The following DDX27 variants were observed in gnomAD, a reference collection of about 807,000 sequenced individuals.
The protein encoded by DDX27 is DEAD-box helicase 27.
A neutral mutation model predicts 99.3 loss-of-function variants in DDX27; 42 were observed. The observed-to-expected ratio is 0.42, with a 90% CI of 0.33 to 0.55. The LOEUF (loss-of-function observed/expected upper bound fraction) is 0.55. Ranked by LOEUF, DDX27 falls within the 20% of genes least tolerant of loss-of-function variation. The probability of loss-of-function intolerance (pLI) is 0.07; values close to 1 mark genes in which losing one functional copy is unlikely to be tolerated. For synonymous variants in DDX27, 329 were observed against 353.8 expected (o/e 0.93, Z 0.79); for missense variants, 798 against 976.8 (o/e 0.82, Z 2.44).
intron 1 of DDX27, among the ~76,000 whole-genome samples, chr20:49,220,849 A>C (rs1241189643): frequency 2.0e-5 from 3 of 152,182 alleles, no homozygotes; most frequent in African/African-American, 7.2e-5. Flanking sequence ...CAAAACAAAA[A>C]AAACTCTCCA....
intron 4 of DDX27, 54 bp downstream of exon 4, chr20:49,223,487 C>T: frequency 1.3e-6 from 2 of 1,524,618 alleles, no homozygotes; most frequent in Non-Finnish European, 8.9e-7. Context: ...AGAAGGCATC[C>T]TCCTTTACTT....
At chr20:49,240,255 A>T (rs1320616872) in intron 16 of DDX27, among the ~76,000 whole-genome samples, 1 of 152,166 alleles carries the variant, frequency 6.6e-6, no homozygotes, top group East Asian at 1.9e-4. Flanking sequence ...TGTATATATA[A>T]CCACAATAAA....
chr20:49,226,389 C>G (rs373326945), intron 6 of DDX27, 41 bp from the exon 7 acceptor site: 2 of 1,534,468 alleles, frequency 1.3e-6, no homozygotes. Context: ...GCTGAGACTT[C>G]CCCCGCTCAA....
intron 1 of DDX27, among the ~76,000 whole-genome samples, chr20:49,220,679 T>C (rs1979626311): frequency 6.6e-6 from 1 of 152,192 alleles, no homozygotes; most frequent in South Asian, 2.1e-4. Flanking sequence ...CTCAGCCCGC[T>C]GCGTGGGAGG....
chr20:49,219,624 ATCATC>A, intron 1 of DDX27, 83 bp downstream of exon 1: 1 of 1,393,912 alleles, frequency 7.2e-7, no homozygotes, highest in Non-Finnish European at 9.6e-7. Flanking sequence ...CCGAATCCTC[ATCATC>A]CCCTGCCAGC....
chr20:49,242,268 G>T (rs1980505196), intron 18 of DDX27, 62 bp downstream of exon 18: 1 of 1,591,378 alleles, frequency 6.3e-7, no homozygotes, highest in Non-Finnish European at 8.6e-7. Flanking sequence ...TGTGCTTTGG[G>T]TCAGGGAGAA....
chr20:49,236,105 T>C lies in DDX27; in HGVS notation c.1428-45T>C. On this transcript the variant is annotated intron_variant, in intron 12 of 20. Coordinates refer to ENST00000618172, the MANE Select transcript of DDX27 (RefSeq NM_017895.8). This position sits in a 1 kb window ranked among gnomAD's most constrained non-coding sequence, Gnocchi z 4.1. The stretch of plus-strand genomic sequence containing the variant: ...GGCTCAGGCTCTTGTGGAGCATTAT[T>C]AGGGGAGGGTGTCTGGATGAACAGC... The C allele has an allele frequency of 6.4e-7, 1 of 1,552,710 alleles. No individual in the cohort carries two copies. The highest frequency in any genetic ancestry group is 1.2e-5 in the South Asian group (1 of 84,302).
intron 16 of DDX27, among the ~76,000 whole-genome samples, chr20:49,241,374 G>T (rs1016326780): frequency 6.6e-6 from 1 of 152,148 alleles, no homozygotes; most frequent in African/African-American, 2.4e-5. Context: ...CATAGCAGGA[G>T]GTTTGTAATG....
intron 7 of DDX27, among the ~76,000 whole-genome samples, chr20:49,226,865 T>TTTTTTA (rs1455825618): frequency 7.8e-6 from 1 of 128,054 alleles, no homozygotes; most frequent in African/African-American, 2.9e-5. Flanking sequence ...GACTTTTTTT[T>TTTTTTA]TTTTTTTTTT....
rs568053174 is a variant in DDX27 at position 49,239,123 on chromosome 20, T to C, written c.1794+68T>C. On this transcript the variant is annotated intron_variant, in intron 15 of 20. Coordinates refer to ENST00000618172, the MANE Select transcript of DDX27 (RefSeq NM_017895.8). ...AAGCAAGCTGCTGCATCCCTGCTGG[T>C]GCTGCCCTTCTGAAATGTTTCTCCC... The C allele has an allele frequency of 4.6e-6, 7 of 1,525,304 alleles. No individual in the cohort carries two copies. In the African/African-American group the frequency reaches 9.6e-5, roughly 21 times the overall value. 94.5% of individuals were successfully genotyped at this position (1,525,304 alleles called of 1,614,324 possible). A position where few individuals can be genotyped will look rare whatever the true frequency, so the allele number is the denominator to read the frequency against.
Position 49,233,836 on chromosome 20 carries a change from A to G in DDX27, c.1273+127A>G, listed in dbSNP as rs924163099. ...CAGTCTTCCCCAGCGCAGAGGCTGCACTGCACTAATGATGATCCGCTGCCT... is the reference window on the plus strand; with the variant it reads ...CAGTCTTCCCCAGCGCAGAGGCTGCGCTGCACTAATGATGATCCGCTGCCT... On this transcript the variant is annotated intron_variant, in intron 11 of 20. Transcript: ENST00000618172. 3.0e-5 allele frequency: 31 copies of G among 1,045,286 alleles called. No homozygotes were observed. The East Asian group carries it at 7.1e-4, about 24-fold the overall frequency. 64.8% of individuals were successfully genotyped at this position (1,045,286 alleles called of 1,614,324 possible). A position where few individuals can be genotyped will look rare whatever the true frequency, so the allele number is the denominator to read the frequency against.
In DDX27 at chr20:49,219,525, G is replaced by T; in HGVS notation, c.77G>T (p.Gly26Val). The T allele has an allele frequency of 6.2e-7, 1 of 1,613,794 alleles. No individual in the cohort carries two copies. Reference protein sequence around the residue: ...EVPVEPESDSGDEEEEGPIVL... With the variant: ...EVPVEPESDSVDEEEEGPIVL... ...CCGGTGGAGCCCGAGTCTGACTCCG[G>T]GGACGAGGAAGAGGAGGTATGAGCA... is the stretch of plus-strand genomic sequence containing the variant. The change falls in exon 1 of 21, where the codon GGG becomes GTG. Residue 26 changes from glycine to valine, a missense_variant. Physicochemically the swap from Gly to Val is moderately radical, Grantham distance 109. This residue lies in a region of DDX27 where 245 missense variants were observed against 248.8 expected (regional missense o/e 0.98). Transcript: ENST00000618172.
intron 4 of DDX27, among the ~76,000 whole-genome samples, chr20:49,224,238 G>A (rs1360927475): frequency 6.6e-6 from 1 of 152,012 alleles, no homozygotes; most frequent in Non-Finnish European, 1.5e-5. Context: ...TACTTCATAG[G>A]TAGTTTACTC....
At chr20:49,225,318 G>A in intron 6 of DDX27, 119 bp downstream of exon 6, 1 of 874,418 alleles carries the variant, frequency 1.1e-6, no homozygotes, top group Non-Finnish European at 1.9e-6. Context: ...AGAGTGCTGG[G>A]ATTTGAGCCA....
At chr20:49,242,024 G>T (rs956527988) in intron 17 of DDX27, 37 bp downstream of exon 17, 2 of 1,613,796 alleles carry the variant, frequency 1.2e-6, no homozygotes, top group Admixed American at 1.7e-5. Context: ...GGCCCACTCG[G>T]TGGGGTGGGT....
At chr20:49,241,352 ATCTTCAT>A (rs1456140537) in intron 16 of DDX27, among the ~76,000 whole-genome samples, 4 of 152,200 alleles carry the variant, frequency 2.6e-5, no homozygotes, top group African/African-American at 9.7e-5. Context: ...AGTGACCTAA[ATCTTCAT>A]CCTTCATAGC....
chr20:49,220,651 C>G (rs1044590413), intron 1 of DDX27, among the ~76,000 whole-genome samples: 4 of 152,224 alleles, frequency 2.6e-5, no homozygotes, highest in African/African-American at 9.6e-5. Context: ...CTGCGGCCCC[C>G]TCTCGGACAG....
chr20:49,243,620 C>T lies in DDX27; in HGVS notation c.2205-9C>T, dbSNP rs2146722975. ...TTTGCTCATTTCAGCATGTCATCTT[C>T]TCTCACAGCCCTTCCTTTGAAGAAA... On this transcript the variant is annotated splice_polypyrimidine_tract_variant and intron_variant, in intron 19 of 20. Coordinates refer to ENST00000618172, the MANE Select transcript of DDX27 (RefSeq NM_017895.8). 6.2e-7 allele frequency: 1 copy of T among 1,614,002 alleles called. No individual in the cohort carries two copies. Among genetic ancestry groups the T allele is most frequent in the Non-Finnish European group, 8.5e-7 (1 of 1,179,902 alleles).
At chr20:49,232,396 G>A (rs991803967) in intron 9 of DDX27, among the ~76,000 whole-genome samples, 3 of 151,630 alleles carry the variant, frequency 2.0e-5, no homozygotes, top group South Asian at 2.1e-4. Flanking sequence ...TTGGGAGGCC[G>A]AGGCAGGCGG....
Sources: gnomAD v4.1 joint callset for allele counts (sites outside exome capture counted in the v4.1 genomes callset) on GRCh38, gnomAD v4.1.1 for gene constraint, gnomAD v4.1.1 regional missense constraint, Gnocchi (gnomAD v3.1) non-coding constraint, MANE v1.5 for transcripts, NCBI Gene and HGNC (gene_info 2026-07-23, HGNC 2026-07-21) for gene names.